The following RIT2 variants were observed in gnomAD, a reference collection of about 807,000 sequenced individuals.
RIT2 encodes the protein Ras like without CAAX 2.
A neutral mutation model predicts 23.7 loss-of-function variants in RIT2; 24 were observed. The observed-to-expected ratio is 1.01, with a 90% CI of 0.73 to 1.43. The LOEUF is 1.43. RIT2 is among the 40% of genes most tolerant of loss of function. RIT2 has a pLI of 0.00. For missense variants in RIT2, 236 were observed against 266.9 expected, an observed-to-expected ratio of 0.88 and a Z score of 0.81; for synonymous variants, 107 against 91.1, an observed-to-expected ratio of 1.17 and a Z score of -0.99.
intron 1 of RIT2, among the ~76,000 whole-genome samples, chr18:43,043,842 A>G (rs1441602258): frequency 6.6e-6 from 1 of 151,998 alleles, no homozygotes; most frequent in African/African-American, 2.4e-5. Context: ...TAAATAAATA[A>G]ATAAAAGAAA....
intron 1 of RIT2, among the ~76,000 whole-genome samples, chr18:43,081,560 A>G (rs892615709): frequency 2.6e-5 from 4 of 152,142 alleles, no homozygotes; most frequent in Admixed American, 2.6e-4. Flanking sequence ...GGAGTTCTCC[A>G]CCTTGAGATA....
chr18:42,873,875 G>A (rs1021620952), intron 4 of RIT2, among the ~76,000 whole-genome samples: 2 of 152,120 alleles, frequency 1.3e-5, no homozygotes, highest in Non-Finnish European at 2.9e-5. Context: ...AGGCTACATG[G>A]CATAGTGTAA....
intron 4 of RIT2, among the ~76,000 whole-genome samples, chr18:42,863,533 G>A (rs996929216): frequency 2.0e-5 from 3 of 152,016 alleles, no homozygotes; most frequent in South Asian, 2.1e-4. Context: ...AAAGAAAAAC[G>A]ATCTAGATAA....
chr18:42,960,124 A>T (rs944531236), intron 3 of RIT2, among the ~76,000 whole-genome samples: 3 of 152,200 alleles, frequency 2.0e-5, no homozygotes, highest in Non-Finnish European at 2.9e-5. Context: ...AGGACACAGG[A>T]TCTTCATAAA....
intron 3 of RIT2, among the ~76,000 whole-genome samples, chr18:42,963,365 T>G (rs186137378): frequency 1.6e-3 from 244 of 152,226 alleles, no homozygotes; most frequent in African/African-American, 5.4e-3. Context: ...GGAACATCCA[T>G]CATATCTGGA....
At chr18:42,804,187 C>T (rs755146294) in intron 4 of RIT2, among the ~76,000 whole-genome samples, 5 of 152,120 alleles carry the variant, frequency 3.3e-5, no homozygotes, top group Admixed American at 2.0e-4. Context: ...TTCAGGATAA[C>T]AAAATACAGA....
chr18:43,078,603 C>G (rs1375976719), intron 1 of RIT2, among the ~76,000 whole-genome samples: 1 of 152,150 alleles, frequency 6.6e-6, no homozygotes. Flanking sequence ...TGTGTACTAC[C>G]TAGCATAGTT....
At chr18:43,052,823 T>C (rs1912414683) in intron 1 of RIT2, among the ~76,000 whole-genome samples, 1 of 152,088 alleles carries the variant, frequency 6.6e-6, no homozygotes, top group African/African-American at 2.4e-5. Flanking sequence ...GTCTGTGACT[T>C]CGAGTAGCCT....
chr18:42,976,145 T>C (rs1478123920), intron 2 of RIT2, among the ~76,000 whole-genome samples: 2 of 152,070 alleles, frequency 1.3e-5, no homozygotes, highest in Non-Finnish European at 2.9e-5. Context: ...AGATACTTTG[T>C]ATGATTTGAA....
intron 4 of RIT2, among the ~76,000 whole-genome samples, chr18:42,754,266 G>T (rs1213683500): frequency 6.6e-6 from 1 of 152,108 alleles, no homozygotes; most frequent in Non-Finnish European, 1.5e-5. Flanking sequence ...AGAAGGAAAA[G>T]AACTCCTGGT....
intron 3 of RIT2, among the ~76,000 whole-genome samples, chr18:42,942,266 T>A (rs1469216993): frequency 1.3e-5 from 2 of 152,122 alleles, no homozygotes; most frequent in African/African-American, 4.8e-5. Context: ...CACAGAGTGG[T>A]TGCTGCTGGC....
At chr18:42,755,671 A>T (rs1198463735) in intron 4 of RIT2, among the ~76,000 whole-genome samples, 2 of 152,116 alleles carry the variant, frequency 1.3e-5, no homozygotes, top group Non-Finnish European at 2.9e-5. Flanking sequence ...TCTCTACCTG[A>T]TCTCCAGCAA....
intron 4 of RIT2, among the ~76,000 whole-genome samples, chr18:42,793,385 C>G (rs1421083662): frequency 6.6e-6 from 1 of 152,174 alleles, no homozygotes. Flanking sequence ...TACATCTACT[C>G]TTCCTCTGTA....
At chr18:43,059,183 C>A (rs1031316288) in intron 1 of RIT2, among the ~76,000 whole-genome samples, 1 of 152,034 alleles carries the variant, frequency 6.6e-6, no homozygotes, top group African/African-American at 2.4e-5. Flanking sequence ...TGAGGACATA[C>A]AATGTGCAAG....
At chr18:42,905,008 T>C (rs930825228) in intron 4 of RIT2, among the ~76,000 whole-genome samples, 1 of 152,168 alleles carries the variant, frequency 6.6e-6, no homozygotes, top group Non-Finnish European at 1.5e-5. Flanking sequence ...ATTAGTGCAA[T>C]TGTTTTGGAA....
At chr18:42,956,200 C>A (rs916851076) in intron 3 of RIT2, among the ~76,000 whole-genome samples, 1 of 152,112 alleles carries the variant, frequency 6.6e-6, no homozygotes, top group Non-Finnish European at 1.5e-5. Context: ...CCTTCCTTAG[C>A]ACCAAAAGAG....
At chr18:42,825,698 T>C (rs1906275143) in intron 4 of RIT2, among the ~76,000 whole-genome samples, 1 of 150,976 alleles carries the variant, frequency 6.6e-6, no homozygotes, top group Non-Finnish European at 1.5e-5. Context: ...TTTTATGTGT[T>C]TTATGTATGT....
chr18:42,952,699 C>T (rs918661408), intron 3 of RIT2, among the ~76,000 whole-genome samples: 1 of 151,748 alleles, frequency 6.6e-6, no homozygotes, highest in Non-Finnish European at 1.5e-5. Flanking sequence ...ATAAATGATA[C>T]TACAAGTAAA....
chr18:42,879,476 C>A (rs962180022), intron 4 of RIT2, among the ~76,000 whole-genome samples: 10 of 152,216 alleles, frequency 6.6e-5, no homozygotes, highest in African/African-American at 2.4e-4. Context: ...TTATATTATA[C>A]AAAGCAGAAG....
Sources: allele counts gnomAD v4.1 joint callset (sites outside exome capture counted in the v4.1 genomes callset), GRCh38; gene constraint gnomAD v4.1.1; transcripts MANE v1.5; gene names NCBI Gene and HGNC (gene_info 2026-07-23, HGNC 2026-07-21).